The following GRM1 variants were observed in gnomAD, a reference collection of about 807,000 sequenced individuals.
GRM1 encodes metabotropic glutamate receptor 1.
GRM1 carries 33 observed loss-of-function variants against 90.9 expected under a neutral mutation model. That is an observed-to-expected ratio of 0.36 (90% CI 0.28 to 0.49). GRM1 has a LOEUF of 0.49. Among genes scored for constraint, GRM1 ranks in the 20% least tolerant of loss-of-function variants. The pLI is 0.99. For synonymous variants in GRM1, 700 were observed against 613.2 expected (o/e 1.14, Z -2.09); for missense variants, 1,190 against 1,534.3 (o/e 0.78, Z 3.75).
chr6:146,216,484 C>T (rs546949745), intron 2 of GRM1, among the ~76,000 whole-genome samples: 29 of 152,270 alleles, frequency 1.9e-4, no homozygotes, highest in African/African-American at 6.5e-4. Context: ...TTGTCATCTT[C>T]TTTTGAATGG....
intron 1 of GRM1, among the ~76,000 whole-genome samples, chr6:146,098,823 C>T (rs1173963012): frequency 6.6e-6 from 1 of 152,032 alleles, no homozygotes; most frequent in African/African-American, 2.4e-5. Context: ...ACTTCTCCTT[C>T]CTGCCATCAT....
chr6:146,233,488 T>C (rs1780516550), intron 2 of GRM1, among the ~76,000 whole-genome samples: 1 of 152,138 alleles, frequency 6.6e-6, no homozygotes, highest in African/African-American at 2.4e-5. Context: ...TTAATTTTGG[T>C]AGATCATGTT....
At chr6:146,194,555 T>G (rs1028590463) in intron 2 of GRM1, among the ~76,000 whole-genome samples, 1 of 152,224 alleles carries the variant, frequency 6.6e-6, no homozygotes, top group Non-Finnish European at 1.5e-5. Flanking sequence ...TGCAGTAATG[T>G]CTGGAAGCAG....
rs369299643 is a variant in GRM1, at chr6:146,218,283, C to T, written c.950+58686C>T. ...GTGAGATCGAGAATAAGGTCCAGAT[C>T]GTATGATTCTTTTACATCCCTTTCA... On this transcript the variant is annotated intron_variant, in intron 2 of 7. Coordinates refer to ENST00000282753, the MANE Select transcript of GRM1 (RefSeq NM_001278064.2). Among the ~76,000 whole-genome samples the T allele has an allele frequency of 2.0e-5, 3 of 152,128 alleles. No individual in the cohort carries two copies. The East Asian group carries it at 5.8e-4, about 29-fold the overall frequency.
At chr6:146,072,372 T>G (rs918614709) in intron 1 of GRM1, among the ~76,000 whole-genome samples, 3 of 152,152 alleles carry the variant, frequency 2.0e-5, no homozygotes, top group African/African-American at 7.2e-5. Context: ...CTCCCTCCTT[T>G]CATGCATTAT....
At chr6:146,028,762 A>G (rs555939244), upstream of GRM1, among the ~76,000 whole-genome samples, 2 of 152,112 alleles carry the variant, frequency 1.3e-5, no homozygotes, top group African/African-American at 2.4e-5. Context: ...TCCTTTGTTT[A>G]CGTTTATTTT....
intron 3 of GRM1, among the ~76,000 whole-genome samples, chr6:146,331,409 A>G (rs1245989824): frequency 6.6e-6 from 1 of 152,238 alleles, no homozygotes; most frequent in African/African-American, 2.4e-5. Flanking sequence ...AAAAATGGAT[A>G]GTAAACAAGA....
chr6:146,178,400 A>G (rs1778414581), intron 2 of GRM1, among the ~76,000 whole-genome samples: 2 of 152,146 alleles, frequency 1.3e-5, no homozygotes, highest in African/African-American at 4.8e-5. Context: ...GGGATTTTGA[A>G]TGTCTTTTTG....
intron 2 of GRM1, among the ~76,000 whole-genome samples, chr6:146,204,451 C>T (rs1779426324): frequency 6.6e-6 from 1 of 152,084 alleles, no homozygotes; most frequent in African/African-American, 2.4e-5. Context: ...TTTAACTGTG[C>T]TTAAAATTAT....
chr6:146,395,676 A>G (rs978993433), intron 6 of GRM1, among the ~76,000 whole-genome samples: 20 of 152,174 alleles, frequency 1.3e-4, no homozygotes, highest in African/African-American at 4.3e-4. Flanking sequence ...ATTATTAACT[A>G]TAGGTCTTAA....
chr6:146,111,746 A>C (rs752123187), intron 1 of GRM1, among the ~76,000 whole-genome samples: 2 of 152,198 alleles, frequency 1.3e-5, no homozygotes, highest in Non-Finnish European at 2.9e-5. Flanking sequence ...GATTTTAAGC[A>C]GTAATTAGGA....
chr6:146,252,846 G>A (rs896568630), intron 2 of GRM1, among the ~76,000 whole-genome samples: 12 of 152,062 alleles, frequency 7.9e-5, no homozygotes, highest in Non-Finnish European at 1.5e-4. Flanking sequence ...CAGATCATGA[G>A]GTTAAGAGAT....
At chr6:146,369,366 G>T (rs537120735) in intron 5 of GRM1, among the ~76,000 whole-genome samples, 3 of 151,664 alleles carry the variant, frequency 2.0e-5, no homozygotes, top group Non-Finnish European at 1.5e-5. Context: ...CTAATTGGGG[G>T]TTTGGTTTGC....
At chr6:146,156,226 T>C (rs1302786242) in intron 1 of GRM1, among the ~76,000 whole-genome samples, 1 of 152,106 alleles carries the variant, frequency 6.6e-6, no homozygotes, top group African/African-American at 2.4e-5. Flanking sequence ...GCCAATGTGG[T>C]GAAACCCTGT....
chr6:146,426,696 C>G, intron 7 of GRM1: 1 of 859,970 alleles, frequency 1.2e-6, no homozygotes, highest in Non-Finnish European at 2.0e-6. Context: ...TTTCTCTCTC[C>G]TGGGTTTTTC....
In GRM1 at chr6:146,180,491, A is replaced by T. The variant is rs540591759; in HGVS notation, c.950+20894A>T. Among the ~76,000 whole-genome samples the T allele has an allele frequency of 5.3e-5, 8 of 152,160 alleles. No homozygotes were observed. The Middle Eastern group carries it at 0.017, about 323-fold the overall frequency. On this transcript the variant is annotated intron_variant, in intron 2 of 7. Transcript: ENST00000282753. ...CAGAGGAACTTTTTTTTTCATCTTT[A>T]CAAGTTAGAGCTCTTGGAGGAATAA... is the stretch of plus-strand genomic sequence containing the variant.
At chr6:146,267,404 A>C (rs1479859541) in intron 2 of GRM1, among the ~76,000 whole-genome samples, 2 of 152,136 alleles carry the variant, frequency 1.3e-5, no homozygotes, top group Non-Finnish European at 2.9e-5. Flanking sequence ...TAATATACTC[A>C]TGTATTAGTC....
At chr6:146,240,602 G>A (rs1441473054) in intron 2 of GRM1, among the ~76,000 whole-genome samples, 1 of 152,138 alleles carries the variant, frequency 6.6e-6, no homozygotes, top group Non-Finnish European at 1.5e-5. Context: ...GGCTAAGTTA[G>A]AGAAGGAGGA....
At chr6:146,043,432 C>T (rs544102433) in intron 1 of GRM1, among the ~76,000 whole-genome samples, 75 of 152,054 alleles carry the variant, frequency 4.9e-4, no homozygotes, top group African/African-American at 1.7e-3. Flanking sequence ...AAAATTTAGA[C>T]AATGCTTATC....
Sources: gnomAD v4.1 joint callset for allele counts (sites outside exome capture counted in the v4.1 genomes callset) on GRCh38, gnomAD v4.1.1 for gene constraint, MANE v1.5 for transcripts, NCBI Gene and HGNC (gene_info 2026-07-23, HGNC 2026-07-21) for gene names.